RUFY3: variants seen among roughly 807,000 people sequenced by gnomAD.
The protein encoded by RUFY3 is protein RUFY3.
RUFY3 carries 34 observed loss-of-function variants against 84.0 expected under a neutral mutation model. The ratio of observed to expected loss-of-function variants is 0.40; its 90% CI spans 0.31 to 0.54. RUFY3 has a LOEUF of 0.54. RUFY3 is among the 20% of genes least tolerant of loss of function. The probability of loss-of-function intolerance (pLI) is 0.39; values close to 1 mark genes in which losing one functional copy is unlikely to be tolerated. For synonymous variants in RUFY3, 242 were observed against 252.9 expected (o/e 0.96, Z 0.41); for missense variants, 507 against 736.8 (o/e 0.69, Z 3.61).
intron 1 of RUFY3, among the ~76,000 whole-genome samples, chr4:70,761,564 C>T (rs962516561): frequency 1.3e-5 from 2 of 152,148 alleles, no homozygotes; most frequent in African/African-American, 4.8e-5. Context: ...GTGACTGTCT[C>T]ACAGCATGTT....
At chr4:70,759,195 ACT>A (rs1724573109) in intron 1 of RUFY3, among the ~76,000 whole-genome samples, 1 of 151,868 alleles carries the variant, frequency 6.6e-6, no homozygotes, top group Admixed American at 6.6e-5. Context: ...TCACAATTCT[ACT>A]CTCTACTTCT....
rs528995049 is a variant in RUFY3, at chr4:70,761,425, G to A, written c.179-1094G>A. Among the ~76,000 whole-genome samples the A allele has an allele frequency of 1.6e-4, 24 of 152,338 alleles. No individual in the cohort carries two copies. The South Asian group carries it at 1.9e-3, about 12-fold the overall frequency. On this transcript the variant is annotated intron_variant, in intron 1 of 17. Transcript: ENST00000381006. Reference sequence around the variant, plus strand: ...TTATTATTGTCTGTGCCCATGGGCCGGCTGCAACTATTTGATTGACCTAAA... The same window carrying A: ...TTATTATTGTCTGTGCCCATGGGCCAGCTGCAACTATTTGATTGACCTAAA...
chr4:70,705,502 G>A (rs1740196640), intron 1 of RUFY3, among the ~76,000 whole-genome samples: 1 of 150,614 alleles, frequency 6.6e-6, no homozygotes, highest in Non-Finnish European at 1.5e-5. Flanking sequence ...TCGGGCGCCG[G>A]ATTCTACCTC....
exon 1 of RUFY3, chr4:70,705,258 AGCGGCG>A: frequency 1.4e-6 from 2 of 1,439,614 alleles, no homozygotes; most frequent in Non-Finnish European, 1.8e-6. Context: ...GAGCTACCCG[AGCGGCG>A]GCGGCGGCAG....
At chr4:70,748,322 C>A (rs1460360047) in intron 1 of RUFY3, among the ~76,000 whole-genome samples, 1 of 152,208 alleles carries the variant, frequency 6.6e-6, no homozygotes, top group Non-Finnish European at 1.5e-5. Context: ...TGACTTCACA[C>A]ACCCATTCCA....
At chr4:70,727,039 C>CTT (rs1242842461) in intron 1 of RUFY3, among the ~76,000 whole-genome samples, 66 of 113,276 alleles carry the variant, frequency 5.8e-4, no homozygotes, top group African/African-American at 1.6e-3. Context: ...GATTTCTTTC[C>CTT]TTTTTTTTTT....
At position 70,806,699 on chromosome 4, in the gene RUFY3, C is replaced by T. The variant is rs765928873; in HGVS notation, c.*40C>T. Reference sequence around the variant, plus strand: ...ACCTGGACCAAAACGTTTATGCAGGCTCCTCTGTACCTGTGTTTTAGCTGT... The same window carrying T: ...ACCTGGACCAAAACGTTTATGCAGGTTCCTCTGTACCTGTGTTTTAGCTGT... On this transcript the variant is annotated 3_prime_UTR_variant, in exon 18 of 18. Coordinates refer to ENST00000381006, the MANE Select transcript of RUFY3 (RefSeq NM_001037442.4). 1.2e-6 allele frequency: 2 copies of T among 1,610,436 alleles called. No homozygotes were observed. The highest frequency in any genetic ancestry group is 1.7e-5 in the Admixed American group (1 of 59,782).
chr4:70,733,103 A>G (rs920299209), intron 1 of RUFY3, among the ~76,000 whole-genome samples: 2,163 of 83,382 alleles, frequency 0.026, 37 homozygotes, highest in African/African-American at 0.048. Flanking sequence ...GAGGAGAGAG[A>G]GAGAGAGAGA....
intron 1 of RUFY3, among the ~76,000 whole-genome samples, chr4:70,744,901 C>T (rs145701790): frequency 0.026 from 4,005 of 151,992 alleles, 73 homozygotes; most frequent in Middle Eastern, 0.054. Context: ...GTGATGCGCC[C>T]GCCTCAGGCT....
intron 1 of RUFY3, among the ~76,000 whole-genome samples, chr4:70,715,447 G>A (rs527413595): frequency 6.6e-6 from 1 of 151,168 alleles, no homozygotes; most frequent in Non-Finnish European, 1.5e-5. Context: ...AGCCAGGTCC[G>A]GTGGTGTGTG....
At chr4:70,711,266 C>G (rs998463172) in intron 1 of RUFY3, among the ~76,000 whole-genome samples, 14 of 151,828 alleles carry the variant, frequency 9.2e-5, no homozygotes, top group African/African-American at 2.9e-4. Flanking sequence ...GCCTCAAGCA[C>G]GTGTTAATCA....
At chr4:70,716,153 A>G (rs555506849) in intron 1 of RUFY3, among the ~76,000 whole-genome samples, 1 of 151,532 alleles carries the variant, frequency 6.6e-6, no homozygotes, top group South Asian at 2.1e-4. Context: ...TGTTTTTGTT[A>G]TTGTTTTTTT....
At chr4:70,789,427 A>G in intron 11 of RUFY3, 68 bp from the exon 12 acceptor site, 1 of 1,369,266 alleles carries the variant, frequency 7.3e-7, no homozygotes. Context: ...ATTAGATTCA[A>G]AAGGCATGTG....
chr4:70,787,848 C>G (rs1730155375), intron 10 of RUFY3, among the ~76,000 whole-genome samples: 1 of 151,958 alleles, frequency 6.6e-6, no homozygotes, highest in South Asian at 2.1e-4. Flanking sequence ...AGGAAAGAAA[C>G]TAAGAAAGTA....
rs1332765937 is a variant in RUFY3, at chr4:70,722,544, T to C, written c.-30T>C. ...GTGTGTGTGAGTGTGTGTGTGTCTG[T>C]GTGTGTGTTGTGGTCCCAGCTGAGT... On this transcript the variant is annotated 5_prime_UTR_variant, in exon 1 of 18. Transcript: ENST00000381006. 2 of 1,604,456 alleles carry C rather than the reference T, an allele frequency of 1.2e-6. No homozygotes were observed. The highest frequency in any genetic ancestry group is 1.7e-6 in the Non-Finnish European group (2 of 1,174,556).
At chr4:70,718,757 T>C (rs1254068563), upstream of RUFY3, among the ~76,000 whole-genome samples, 1 of 152,000 alleles carries the variant, frequency 6.6e-6, no homozygotes, top group Non-Finnish European at 1.5e-5. Flanking sequence ...AGACGGAGTT[T>C]CACAGGCTGG....
upstream of RUFY3, among the ~76,000 whole-genome samples, chr4:70,721,648 A>G (rs145247341): frequency 3.3e-5 from 5 of 152,372 alleles, no homozygotes; most frequent in East Asian, 7.7e-4. Flanking sequence ...GTAGATAAGA[A>G]TGAAAGAGGT....
At chr4:70,803,052 C>T in intron 16 of RUFY3, 69 bp downstream of exon 16, 5 of 1,178,920 alleles carry the variant, frequency 4.2e-6, no homozygotes, top group Non-Finnish European at 6.2e-6. Flanking sequence ...GCCTAGCCAG[C>T]AAATAAGGTA....
intron 12 of RUFY3, chr4:70,792,910 C>G: frequency 2.0e-6 from 2 of 985,394 alleles, no homozygotes; most frequent in Non-Finnish European, 2.4e-6. Flanking sequence ...TTCTCTTCAT[C>G]AACCTTTTGT....
Sources: gnomAD v4.1 joint callset for allele counts (sites outside exome capture counted in the v4.1 genomes callset) on GRCh38, gnomAD v4.1.1 for gene constraint, MANE v1.5 for transcripts, NCBI Gene and HGNC (gene_info 2026-07-23, HGNC 2026-07-21) for gene names.